Variants in ANKRD33 observed in about 807,000 individuals in gnomAD.
ANKRD33 encodes photoreceptor ankyrin repeat protein.
A neutral mutation model predicts 20.6 loss-of-function variants in ANKRD33; 20 were observed. That is an observed-to-expected ratio of 0.97 (90% CI 0.68 to 1.41). The LOEUF is 1.41. ANKRD33 is among the 40% of genes most tolerant of loss of function. The pLI is 0.00. For missense variants in ANKRD33, 545 were observed against 579.6 expected (o/e 0.94, Z 0.61); for synonymous variants, 246 against 245.0 (o/e 1.00, Z -0.04).
In ANKRD33 at chr12:51,888,197, A is replaced by G. The variant is rs1485580894; in HGVS notation, c.11A>G (p.Gln4Arg). The G allele has an allele frequency of 6.2e-7, 1 of 1,614,028 alleles. No homozygotes were observed. Among genetic ancestry groups the G allele is most frequent in the Non-Finnish European group, 8.5e-7 (1 of 1,179,964 alleles). Residue 4 changes from glutamine to arginine, a missense_variant, in exon 1 of 5, where the codon CAG (glutamine) becomes CGG (arginine). By Grantham distance (43) the Gln-to-Arg change is conservative (BLOSUM62 1). Coordinates refer to ENST00000301190, the MANE Select transcript of ANKRD33 (RefSeq NM_182608.4). MKV[Q>R]PSVTCVASWG... ...TTGCAGCAGCTCTTTATGAAAGTCC[A>G]GCCATCTGTTACCTGCGTTGCTTCC...
At position 51,891,540 on chromosome 12, in the gene ANKRD33, TC is replaced by T; in HGVS notation, c.*237del. ...AGATTGATTACGGATGTAATTGCTG[TC>T]CATCCATACAGAGCATACTCTACAG... On this transcript the variant is annotated 3_prime_UTR_variant, in exon 5 of 5. Coordinates refer to ENST00000301190, the MANE Select transcript of ANKRD33 (RefSeq NM_182608.4). The T allele has an allele frequency of 1.5e-6, 1 of 662,736 alleles. No homozygotes were observed. The highest frequency in any genetic ancestry group is 2.5e-6 in the Non-Finnish European group (1 of 400,498). 41.1% of individuals were successfully genotyped at this position (662,736 alleles called of 1,614,324 possible).
In ANKRD33 at chr12:51,891,652, G is replaced by A. The variant is rs939428117; in HGVS notation, c.*347G>A. Reference sequence around the variant, plus strand: ...TGTATAAAGTAAAAATAACTAAGGAGTGGAACAGTGTATATGGCATATTAT... The same window carrying A: ...TGTATAAAGTAAAAATAACTAAGGAATGGAACAGTGTATATGGCATATTAT... On this transcript the variant is annotated 3_prime_UTR_variant, in exon 5 of 5. Coordinates refer to ENST00000301190, the MANE Select transcript of ANKRD33 (RefSeq NM_182608.4). 33 of 296,552 alleles carry A rather than the reference G, an allele frequency of 1.1e-4. No individual in the cohort carries two copies. The highest frequency in any genetic ancestry group is 6.7e-4 in the African/African-American group (32 of 47,710). 18.4% of individuals were successfully genotyped at this position (296,552 alleles called of 1,614,324 possible). A position where few individuals can be genotyped will look rare whatever the true frequency, so the allele number is the denominator to read the frequency against.
rs1008173956 is a variant in ANKRD33, at chr12:51,890,365, A to G, written c.638-219A>G. The G allele has an allele frequency of 2.1e-5, 25 of 1,197,456 alleles. No homozygotes were observed. In the African/African-American group the frequency reaches 3.3e-4, roughly 16 times the overall value. The allele number at this position is 1,197,456 out of a possible 1,614,324, so 74.2% of individuals were successfully genotyped here. On this transcript the variant is annotated intron_variant, in intron 4 of 4. Coordinates refer to ENST00000301190, the MANE Select transcript of ANKRD33 (RefSeq NM_182608.4). ...ATTCTGCCCTAGGTGGAGCCCCACAATAGGTCTCTCTGAAGTCTTTTCCCC... is the reference window on the plus strand; with the variant it reads ...ATTCTGCCCTAGGTGGAGCCCCACAGTAGGTCTCTCTGAAGTCTTTTCCCC...
At chr12:51,890,413 T>A (rs1940376594) in intron 4 of ANKRD33, 171 bp from the exon 5 acceptor site, 1 of 1,483,684 alleles carries the variant, frequency 6.7e-7, no homozygotes, top group Non-Finnish European at 9.1e-7. Context: ...AGTGTCTTAA[T>A]CTCTCTTAAA....
Position 51,889,360 on chromosome 12 carries a change from G to T in ANKRD33, c.527-12G>T. Reference sequence around the variant, plus strand: ...TTTCCTGGGGACCAAGCTTACCCTTGCTGCCCTGCAGGCCACGTGCCTCTA... The same window carrying T: ...TTTCCTGGGGACCAAGCTTACCCTTTCTGCCCTGCAGGCCACGTGCCTCTA... On this transcript the variant is annotated splice_polypyrimidine_tract_variant and intron_variant, in intron 3 of 4. Coordinates refer to ENST00000301190, the MANE Select transcript of ANKRD33 (RefSeq NM_182608.4). 6.2e-7 allele frequency: 1 copy of T among 1,613,476 alleles called. No homozygotes were observed. Among genetic ancestry groups the T allele is most frequent in the Non-Finnish European group, 8.5e-7 (1 of 1,179,652 alleles).
In ANKRD33 at chr12:51,888,128, G is replaced by C; in HGVS notation, c.-59G>C. The C allele has an allele frequency of 6.3e-7, 1 of 1,593,874 alleles. No homozygotes were observed. The highest frequency in any genetic ancestry group is 8.5e-7 in the Non-Finnish European group (1 of 1,169,672). The stretch of plus-strand genomic sequence containing the variant: ...GAGACGTGACCACCCGCCCCGCATG[G>C]GGCCCCAGTCCCAGCTGCTTGATCC... On this transcript the variant is annotated 5_prime_UTR_variant, in exon 1 of 5. Coordinates refer to ENST00000301190, the MANE Select transcript of ANKRD33 (RefSeq NM_182608.4).
At chr12:51,889,632 C>G (rs1378677036) in intron 4 of ANKRD33, 150 bp downstream of exon 4, 2 of 1,377,338 alleles carry the variant, frequency 1.5e-6, no homozygotes. Flanking sequence ...GGGGATCAAT[C>G]TAGTTCACCT....
rs528277578 is a variant in ANKRD33, at chr12:51,890,755, T to TGGCCCA, written c.830_835dup (p.Ala277_Gln278dup). The TGGCCCA allele has an allele frequency of 0.01, 16,556 of 1,604,776 alleles. 112 individuals are homozygous for TGGCCCA. The highest frequency in any genetic ancestry group is 0.012 in the Non-Finnish European group (14,521 of 1,179,650). On this transcript the variant is annotated inframe_insertion, in exon 5 of 5. Coordinates refer to ENST00000301190, the MANE Select transcript of ANKRD33 (RefSeq NM_182608.4). ...GAGTGGCCGGCCTTGTCCGGGCTCG[T>TGGCCCA]GGCCCAGGCCCAGGCCCAGGCCCAG...
chr12:51,888,445 G>A, intron 1 of ANKRD33, 114 bp downstream of exon 1: 1 of 1,571,288 alleles, frequency 6.4e-7, no homozygotes, highest in African/African-American at 1.4e-5. Flanking sequence ...AGGGTGGATG[G>A]GGCGAGACCC....
rs755317321 is a variant in ANKRD33 at position 51,891,069 on chromosome 12, A to C, written c.1123A>C (p.Ser375Arg). ...RSPWVFVPYQ[S>R]PQGILSKCLQ... ...CCCGTGGGTCTTCGTCCCCTACCAG[A>C]GCCCTCAGGGCATATTGAGCAAGTG... The change falls in exon 5 of 5, where the codon AGC becomes CGC. Residue 375 changes from serine to arginine, a missense_variant. Coordinates refer to ENST00000301190, the MANE Select transcript of ANKRD33 (RefSeq NM_182608.4). The C allele has an allele frequency of 9.3e-6, 15 of 1,613,768 alleles. No individual in the cohort carries two copies. Among genetic ancestry groups the C allele is most frequent in the Non-Finnish European group, 1.7e-6 (2 of 1,179,992 alleles).
In ANKRD33 at chr12:51,890,610, G is replaced by A; in HGVS notation, c.664G>A (p.Val222Ile). 6.2e-7 allele frequency: 1 copy of A among 1,610,812 alleles called. No homozygotes were observed. The highest frequency in any genetic ancestry group is 1.3e-5 in the African/African-American group (1 of 75,040). ...RCADLTAVDP[V>I]RGKTALEWAV... ...TGCTGACCTGACAGCAGTGGACCCT[G>A]TTCGGGGCAAGACGGCCCTGGAATG... is the stretch of plus-strand genomic sequence containing the variant. Residue 222 changes from valine to isoleucine, a missense_variant, in exon 5 of 5, where the codon GTT (valine) becomes ATT (isoleucine). Val to Ile is a conservative substitution (Grantham distance 29). Transcript: ENST00000301190.
In ANKRD33 at chr12:51,888,351, C is replaced by A. The variant is rs1014504291; in HGVS notation, c.145+20C>A. On this transcript the variant is annotated intron_variant, in intron 1 of 4. Coordinates refer to ENST00000301190, the MANE Select transcript of ANKRD33 (RefSeq NM_182608.4). ...CCCCAAGTAAGAAAAAACGACGACC[C>A]TCTCTCCGTGAGTCTCACTGGGGTG... The A allele has an allele frequency of 8.1e-6, 13 of 1,613,682 alleles. No homozygotes were observed. Among genetic ancestry groups the A allele is most frequent in the Middle Eastern group, 1.6e-4 (1 of 6,082 alleles).
intron 4 of ANKRD33, chr12:51,890,189 G>A (rs1463488456): frequency 5.3e-6 from 2 of 375,354 alleles, no homozygotes; most frequent in Admixed American, 3.7e-5. Flanking sequence ...CCCAAGATGG[G>A]AGAGGGAGAT....
chr12:51,889,367 T>G lies in ANKRD33; in HGVS notation c.527-5T>G, dbSNP rs761938192. On this transcript the variant is annotated splice_polypyrimidine_tract_variant and splice_region_variant and intron_variant, in intron 3 of 4. Coordinates refer to ENST00000301190, the MANE Select transcript of ANKRD33 (RefSeq NM_182608.4). ...GGGACCAAGCTTACCCTTGCTGCCC[T>G]GCAGGCCACGTGCCTCTAGTGAGTC... 2 of 1,613,800 alleles carry G rather than the reference T, an allele frequency of 1.2e-6. No individual in the cohort carries two copies. Among genetic ancestry groups the G allele is most frequent in the South Asian group, 2.2e-5 (2 of 91,048 alleles).
chr12:51,889,664 A>G (rs1940347020), intron 4 of ANKRD33, 182 bp downstream of exon 4: 6 of 1,195,358 alleles, frequency 5.0e-6, no homozygotes, highest in Non-Finnish European at 6.8e-6. Context: ...GGGGCACATG[A>G]TTTGGGCTTC....
At chr12:51,889,223 G>C in intron 3 of ANKRD33, 27 bp downstream of exon 3, 1 of 1,613,956 alleles carries the variant, frequency 6.2e-7, no homozygotes, top group Non-Finnish European at 8.5e-7. Context: ...CCCCACTTCC[G>C]ACAGCCCCCT....
Position 51,888,135 on chromosome 12 carries a change from A to G in ANKRD33, c.-52A>G. On this transcript the variant is annotated 5_prime_UTR_variant, in exon 1 of 5. Transcript: ENST00000301190. The stretch of plus-strand genomic sequence containing the variant: ...GACCACCCGCCCCGCATGGGGCCCC[A>G]GTCCCAGCTGCTTGATCCGGCTCAG... 1 of 1,600,430 alleles carries G rather than the reference A, an allele frequency of 6.2e-7. No individual in the cohort carries two copies. The highest frequency in any genetic ancestry group is 8.5e-7 in the Non-Finnish European group (1 of 1,172,864).
At chr12:51,888,854 A>G in intron 2 of ANKRD33, 36 bp downstream of exon 2, 1 of 1,608,860 alleles carries the variant, frequency 6.2e-7, no homozygotes, top group South Asian at 1.1e-5. Context: ...AGCTGGGGGC[A>G]TCTTTGCATC....
Position 51,891,070 on chromosome 12 carries a change from G to A in ANKRD33, c.1124G>A (p.Ser375Asn), listed in dbSNP as rs752377354. 1 of 1,613,984 alleles carries A rather than the reference G, an allele frequency of 6.2e-7. No individual in the cohort carries two copies. The highest frequency in any genetic ancestry group is 1.1e-5 in the South Asian group (1 of 91,070). The change falls in exon 5 of 5, where the codon AGC (serine) becomes AAC (asparagine). Residue 375 changes from serine to asparagine, a missense_variant. Transcript: ENST00000301190. Reference sequence around the variant, plus strand: ...CCGTGGGTCTTCGTCCCCTACCAGAGCCCTCAGGGCATATTGAGCAAGTGC... The same window carrying A: ...CCGTGGGTCTTCGTCCCCTACCAGAACCCTCAGGGCATATTGAGCAAGTGC... ...RSPWVFVPYQ[S>N]PQGILSKCLQ...
Sources: gnomAD v4.1 joint callset for allele counts on GRCh38, gnomAD v4.1.1 for gene constraint, MANE v1.5 for transcripts, NCBI Gene and HGNC (gene_info 2026-07-23, HGNC 2026-07-21) for gene names.